Variants in ZNF232 observed in about 807,000 individuals in gnomAD.
ZNF232 encodes the protein zinc finger and SCAN domain-containing protein 11.
Under a neutral mutation model 25.2 loss-of-function variants are expected in ZNF232, and 25 were observed. The observed-to-expected ratio is 0.99, with a 90% confidence interval of 0.72 to 1.39. The LOEUF (loss-of-function observed/expected upper bound fraction) is 1.39, where lower values mean the gene tolerates loss of function less well. ZNF232 is among the 40% of genes most tolerant of loss of function. ZNF232 has a pLI of 0.00. For missense variants in ZNF232, 519 were observed against 520.9 expected, an observed-to-expected ratio of 1.00 and a Z score of 0.04; for synonymous variants, 193 against 182.9, an observed-to-expected ratio of 1.06 and a Z score of -0.45.
upstream of ZNF232, chr17:5,116,750 T>C (rs1439283412): frequency 6.6e-6 from 1 of 152,292 alleles, no homozygotes; most frequent in Non-Finnish European, 1.5e-5. Context: ...TGTGAGTCTT[T>C]GGGCAAATTT....
chr17:5,123,111 G>A, upstream of ZNF232: 1 of 153,676 alleles, frequency 6.5e-6, no homozygotes, highest in South Asian at 1.8e-4. Flanking sequence ...CGTCGCGGGC[G>A]CCGTCAGAGG....
chr17:5,118,565 C>A (rs114151986), intron 1 of ZNF232, among the ~76,000 whole-genome samples: 2,153 of 152,296 alleles, frequency 0.014, 53 homozygotes, highest in African/African-American at 0.048. Context: ...GGCCCCTAGC[C>A]CCATTGCGTG....
Sources: allele counts gnomAD v4.1 joint callset (sites outside exome capture counted in the v4.1 genomes callset), GRCh38; gene constraint gnomAD v4.1.1; transcripts MANE v1.5; gene names NCBI Gene and HGNC (gene_info 2026-07-23, HGNC 2026-07-21).